PLCG2: variants seen among roughly 807,000 people sequenced by gnomAD.
PLCG2 encodes 1-phosphatidylinositol 4,5-bisphosphate phosphodiesterase gamma-2.
PLCG2 carries 69 observed loss-of-function variants against 175.6 expected under a neutral mutation model. The observed-to-expected ratio is 0.39, with a 90% confidence interval of 0.32 to 0.48. The LOEUF (loss-of-function observed/expected upper bound fraction) is 0.48. Among genes scored for constraint, PLCG2 ranks in the 20% least tolerant of loss-of-function variants. PLCG2 has a pLI of 0.91. For synonymous variants in PLCG2, 827 were observed against 624.0 expected, an observed-to-expected ratio of 1.33 and a Z score of -4.85; for missense variants, 1,798 against 1,650.9, an observed-to-expected ratio of 1.09 and a Z score of -1.54.
chr16:81,928,613 C>T lies in PLCG2; in HGVS notation c.2570C>T (p.Thr857Ile), dbSNP rs1376500578. 1 of 1,603,366 alleles carries T rather than the reference C, an allele frequency of 6.2e-7. No homozygotes were observed. The highest frequency in any genetic ancestry group is 8.5e-7 in the Non-Finnish European group (1 of 1,170,238). Residue 857 changes from threonine to isoleucine, a missense_variant, in exon 24 of 33, where the codon ACC becomes ATC. Physicochemically the swap from Thr to Ile is moderately conservative, Grantham distance 89. Transcript: ENST00000564138. ...TGCAGAGGAATATTGGACCTCAATACCTATAACGTCGGTACGTGCACACAT... is the reference window on the plus strand; with the variant it reads ...TGCAGAGGAATATTGGACCTCAATATCTATAACGTCGGTACGTGCACACAT... ...SLCRGILDLN[T>I]YNVVKAPQGK...
chr16:81,746,822 C>A (rs1909716535), intron 1 of PLCG2, among the ~76,000 whole-genome samples: 1 of 152,124 alleles, frequency 6.6e-6, no homozygotes, highest in African/African-American at 2.4e-5. Flanking sequence ...TCTCTTGGAA[C>A]CAGTGGAGCC....
At chr16:81,783,023 C>G in intron 1 of PLCG2, 3 of 431,928 alleles carry the variant, frequency 6.9e-6, no homozygotes, top group Admixed American at 2.7e-5. Context: ...CACTGGGCTT[C>G]GAAGCTGGAA....
intron 2 of PLCG2, among the ~76,000 whole-genome samples, chr16:81,836,228 A>G (rs1236096385): frequency 6.6e-6 from 1 of 152,158 alleles, no homozygotes; most frequent in East Asian, 1.9e-4. Flanking sequence ...CAGAGGGGGA[A>G]ACTGAGGCCC....
At chr16:81,807,201 C>T (rs1046628202) in intron 2 of PLCG2, among the ~76,000 whole-genome samples, 1 of 139,776 alleles carries the variant, frequency 7.2e-6, no homozygotes, top group African/African-American at 2.4e-5. Flanking sequence ...GTCAGCTCCC[C>T]ATGTCTTGTC....
At chr16:81,886,955 C>A (rs1183404717) in intron 9 of PLCG2, among the ~76,000 whole-genome samples, 1 of 152,176 alleles carries the variant, frequency 6.6e-6, no homozygotes, top group African/African-American at 2.4e-5. Context: ...AGAATATTGA[C>A]ATTTCAGTCT....
intron 3 of PLCG2, among the ~76,000 whole-genome samples, chr16:81,855,208 A>AG (rs71146051): frequency 1.3e-5 from 2 of 150,896 alleles, no homozygotes; most frequent in African/African-American, 4.8e-5. Flanking sequence ...AAAAAAAAAA[A>AG]GAGAAGAAAA....
intron 2 of PLCG2, among the ~76,000 whole-genome samples, chr16:81,848,096 C>A (rs995888797): frequency 9.2e-5 from 14 of 152,166 alleles, no homozygotes; most frequent in African/African-American, 3.1e-4. Context: ...CTCTAACGTT[C>A]CAGTAATCAG....
In PLCG2 at chr16:81,950,271, T is replaced by C. The variant is rs570537162; in HGVS notation, c.3570+4008T>C. Among the ~76,000 whole-genome samples, 7 of 152,086 alleles carry C rather than the reference T, an allele frequency of 4.6e-5. No homozygotes were observed. The South Asian group carries it at 1.0e-3, about 22-fold the overall frequency. On this transcript the variant is annotated intron_variant, in intron 31 of 32. Transcript: ENST00000564138. ...ATGGATGGAAGAGTTACTGGGAAAA[T>C]TGGGAAGGAAAAGTTAACATCAATC...
chr16:81,847,663 T>G (rs1007328539), intron 2 of PLCG2, among the ~76,000 whole-genome samples: 1 of 152,234 alleles, frequency 6.6e-6, no homozygotes, highest in Non-Finnish European at 1.5e-5. Context: ...TATGGTCGAT[T>G]GAAAATATTT....
Position 81,958,313 on chromosome 16 carries a change from G to A in PLCG2, c.*315G>A. 1.1e-5 allele frequency: 4 copies of A among 379,068 alleles called. No individual in the cohort carries two copies. The highest frequency in any genetic ancestry group is 1.9e-5 in the Non-Finnish European group (4 of 207,844). 23.5% of individuals were successfully genotyped at this position (379,068 alleles called of 1,614,324 possible). ...ACCTTGATCAATTAAGCCTTCTGTT[G>A]CACGACCTGTGCAGTGAACAGGATT... On this transcript the variant is annotated 3_prime_UTR_variant, in exon 33 of 33. Transcript: ENST00000564138.
At chr16:81,873,249 G>A (rs1280232741) in intron 7 of PLCG2, among the ~76,000 whole-genome samples, 1 of 152,162 alleles carries the variant, frequency 6.6e-6, no homozygotes, top group Non-Finnish European at 1.5e-5. Context: ...GGTATTAAAT[G>A]AGATCAATGG....
chr16:81,923,289 C>G (rs982721227), intron 21 of PLCG2, 196 bp from the exon 22 acceptor site: 52 of 548,380 alleles, frequency 9.5e-5, no homozygotes, highest in Admixed American at 1.5e-4. Context: ...TAGGCCAGTT[C>G]TCCTTCACTC....
chr16:81,861,964 C>T lies in PLCG2; in HGVS notation c.479+2801C>T, dbSNP rs73592990. Among the ~76,000 whole-genome samples the T allele has an allele frequency of 4.4e-3, 671 of 152,338 alleles. 8 individuals are homozygous for T. Among genetic ancestry groups the T allele is most frequent in the African/African-American group, 0.016 (658 of 41,568 alleles). On this transcript the variant is annotated intron_variant, in intron 5 of 32. Transcript: ENST00000564138. ...GAGTTCATCCCTGTGTGCTCACCGG[C>T]TTCCTCTCCTCTACCTCCCTCCCAG...
At chr16:81,808,992 A>G (rs1279450192) in intron 2 of PLCG2, among the ~76,000 whole-genome samples, 1 of 152,178 alleles carries the variant, frequency 6.6e-6, no homozygotes, top group Non-Finnish European at 1.5e-5. Context: ...TCTACCAGGC[A>G]TTGTCCTCTA....
intron 2 of PLCG2, among the ~76,000 whole-genome samples, chr16:81,828,197 C>A (rs1488235595): frequency 6.8e-6 from 1 of 147,850 alleles, no homozygotes; most frequent in East Asian, 2.0e-4. Flanking sequence ...CCCAGGCCAA[C>A]AACTTGTGAA....
upstream of PLCG2, among the ~76,000 whole-genome samples, chr16:81,778,043 C>CAAACAAACAA (rs1910507100): frequency 5.0e-4 from 30 of 59,852 alleles, no homozygotes; most frequent in African/African-American, 1.6e-3. Context: ...AAAAAAAAAA[C>CAAACAAACAA]AAAAAAAAAA....
intron 2 of PLCG2, among the ~76,000 whole-genome samples, chr16:81,763,800 C>G (rs981523889): frequency 6.6e-6 from 1 of 151,468 alleles, no homozygotes; most frequent in East Asian, 1.9e-4. Context: ...AACCCCATCT[C>G]TACTAAAAAT....
intron 20 of PLCG2, among the ~76,000 whole-genome samples, chr16:81,920,773 G>A (rs1392069890): frequency 2.6e-5 from 4 of 152,116 alleles, no homozygotes; most frequent in Non-Finnish European, 5.9e-5. Flanking sequence ...GCACTGGTTT[G>A]TAGCATTTGC....
At chr16:81,886,454 G>C (rs545959876) in intron 9 of PLCG2, among the ~76,000 whole-genome samples, 42 of 152,338 alleles carry the variant, frequency 2.8e-4, no homozygotes, top group African/African-American at 9.6e-4. Context: ...TGAAAAGAAA[G>C]CTTTACAACT....
Sources: allele counts gnomAD v4.1 joint callset (sites outside exome capture counted in the v4.1 genomes callset), GRCh38; gene constraint gnomAD v4.1.1; transcripts MANE v1.5; gene names NCBI Gene and HGNC (gene_info 2026-07-23, HGNC 2026-07-21).